AKT3: variants seen among roughly 807,000 people sequenced by gnomAD.
AKT3 encodes AKT serine/threonine kinase 3.
Under a neutral mutation model 65.3 loss-of-function variants are expected in AKT3, and 15 were observed. The ratio of observed to expected loss-of-function variants is 0.23; its 90% CI spans 0.15 to 0.35. The LOEUF (loss-of-function observed/expected upper bound fraction) is 0.35, where lower values mean the gene tolerates loss of function less well. AKT3 is among the 10% of genes least tolerant of loss of function. The probability of loss-of-function intolerance (pLI) is 1.00; values close to 1 mark genes in which losing one functional copy is unlikely to be tolerated. For synonymous variants in AKT3, 206 were observed against 183.8 expected (o/e 1.12, Z -0.98); for missense variants, 243 against 576.5 (o/e 0.42, Z 5.92).
At chr1:243,594,575 A>G (rs1421401913) in intron 8 of AKT3, among the ~76,000 whole-genome samples, 1 of 152,216 alleles carries the variant, frequency 6.6e-6, no homozygotes, top group Non-Finnish European at 1.5e-5. Context: ...CATATGTGTG[A>G]CAAACTGATT....
intron 3 of AKT3, among the ~76,000 whole-genome samples, chr1:243,693,023 C>T (rs184150874): frequency 3.3e-4 from 50 of 151,408 alleles, no homozygotes; most frequent in African/African-American, 1.2e-3. Context: ...ATAACACTAT[C>T]TTTTTGAAAA....
At chr1:243,652,804 C>T (rs943196954) in intron 4 of AKT3, among the ~76,000 whole-genome samples, 1 of 123,210 alleles carries the variant, frequency 8.1e-6, no homozygotes. Flanking sequence ...GCAGGAGTTG[C>T]AATCCTAATC....
At chr1:243,627,343 A>G (rs76814595) in intron 6 of AKT3, among the ~76,000 whole-genome samples, 45 of 151,796 alleles carry the variant, frequency 3.0e-4, no homozygotes, top group Middle Eastern at 6.8e-3. Context: ...AAAAAAAAAA[A>G]AGAGAGAGAG....
intron 2 of AKT3, among the ~76,000 whole-genome samples, chr1:243,748,460 T>G (rs1336734814): frequency 6.6e-6 from 1 of 152,162 alleles, no homozygotes; most frequent in Non-Finnish European, 1.5e-5. Flanking sequence ...ATGCACAATC[T>G]TCACCACTTA....
chr1:243,675,622 AC>A (rs1558707856), intron 3 of AKT3, among the ~76,000 whole-genome samples: 1 of 152,210 alleles, frequency 6.6e-6, no homozygotes, highest in Non-Finnish European at 1.5e-5. Flanking sequence ...GGCCTTTGTT[AC>A]CCATGCCTTA....
rs1466270252 is a variant in AKT3, at chr1:243,662,439, A to T, written c.284+2333T>A. Among the ~76,000 whole-genome samples, 3 of 151,898 alleles carry T rather than the reference A, an allele frequency of 2.0e-5. No homozygotes were observed. The East Asian group carries it at 5.8e-4, about 29-fold the overall frequency. The stretch of plus-strand genomic sequence containing the variant: ...GATGAAATTGGAAATCATCATTCTC[A>T]GTAAACTATCGCAAGGACAAAAAAC... On this transcript the variant is annotated intron_variant, in intron 4 of 13. Coordinates refer to ENST00000673466, the MANE Select transcript of AKT3 (RefSeq NM_005465.7).
chr1:243,850,482 G>A (rs982946336), upstream of AKT3, among the ~76,000 whole-genome samples: 1 of 151,180 alleles, frequency 6.6e-6, no homozygotes, highest in African/African-American at 2.4e-5. Flanking sequence ...GGGCGCGCCC[G>A]GCGCGGGGAG....
At chr1:243,550,789 C>CAAAA (rs60834632) in intron 11 of AKT3, among the ~76,000 whole-genome samples, 13,985 of 33,658 alleles carry the variant, frequency 0.42, 4,369 homozygotes, top group Non-Finnish European at 0.53. Flanking sequence ...ACTAAAATAC[C>CAAAA]AAAAAAAAAA....
intron 8 of AKT3, among the ~76,000 whole-genome samples, chr1:243,592,132 G>A (rs532518972): frequency 7.2e-5 from 11 of 152,096 alleles, no homozygotes; most frequent in Non-Finnish European, 1.0e-4. Flanking sequence ...TCAGGAGATC[G>A]AGACCATCCT....
chr1:243,834,730 T>C (rs1251290006), intron 2 of AKT3, among the ~76,000 whole-genome samples: 2 of 149,190 alleles, frequency 1.3e-5, no homozygotes, highest in Non-Finnish European at 3.0e-5. Context: ...TTCTGGAAAC[T>C]AAAAGTTTAA....
intron 2 of AKT3, among the ~76,000 whole-genome samples, chr1:243,753,426 C>A (rs1688932826): frequency 6.6e-6 from 1 of 152,062 alleles, no homozygotes; most frequent in African/African-American, 2.4e-5. Flanking sequence ...AACATAGTTT[C>A]TCAAAATCTA....
chr1:243,514,481 T>C (rs1366274039), intron 12 of AKT3, among the ~76,000 whole-genome samples: 1 of 152,206 alleles, frequency 6.6e-6, no homozygotes, highest in African/African-American at 2.4e-5. Context: ...TATCTTCACA[T>C]TGCTTTTTCT....
intron 2 of AKT3, among the ~76,000 whole-genome samples, chr1:243,803,574 C>T (rs1692509868): frequency 1.3e-5 from 2 of 151,264 alleles, no homozygotes; most frequent in Admixed American, 1.3e-4. Context: ...TAATTCCTTC[C>T]TAAGGAATGT....
chr1:243,730,780 G>C (rs2148143558), intron 2 of AKT3, among the ~76,000 whole-genome samples: 1 of 152,310 alleles, frequency 6.6e-6, no homozygotes, highest in South Asian at 2.1e-4. Context: ...GCGTCCCCAA[G>C]TTTTTAGGTG....
At chr1:243,575,957 GA>G (rs1389425374) in intron 8 of AKT3, among the ~76,000 whole-genome samples, 2 of 151,328 alleles carry the variant, frequency 1.3e-5, no homozygotes, top group African/African-American at 2.4e-5. Flanking sequence ...AGGACTTCTG[GA>G]AAAAAAAGAT....
chr1:243,598,569 C>A (rs1369754059), intron 8 of AKT3, among the ~76,000 whole-genome samples: 1 of 152,132 alleles, frequency 6.6e-6, no homozygotes, highest in Non-Finnish European at 1.5e-5. Context: ...GCTGTACTCC[C>A]ACGGTTTAGT....
chr1:243,574,710 A>G (rs1243941413), intron 8 of AKT3, among the ~76,000 whole-genome samples: 1 of 152,186 alleles, frequency 6.6e-6, no homozygotes, highest in Admixed American at 6.5e-5. Flanking sequence ...ACAAGGATAG[A>G]AAGTAGAAGG....
downstream of AKT3, among the ~76,000 whole-genome samples, chr1:243,498,078 G>A (rs1479174017): frequency 6.6e-6 from 1 of 152,220 alleles, no homozygotes; most frequent in Non-Finnish European, 1.5e-5. Flanking sequence ...TGTGTCAAGA[G>A]CGAGGCCACC....
intron 2 of AKT3, among the ~76,000 whole-genome samples, chr1:243,697,103 CTA>C (rs1685106056): frequency 2.0e-5 from 3 of 151,960 alleles, no homozygotes; most frequent in South Asian, 2.1e-4. Flanking sequence ...AGATTTTTAT[CTA>C]TGTTTACTTT....
Sources: allele counts gnomAD v4.1 joint callset (sites outside exome capture counted in the v4.1 genomes callset), GRCh38; gene constraint gnomAD v4.1.1; transcripts MANE v1.5; gene names NCBI Gene and HGNC (gene_info 2026-07-23, HGNC 2026-07-21).